The following CDH13 variants were observed in gnomAD, a reference collection of about 807,000 sequenced individuals.
CDH13 encodes the protein cadherin 13.
In CDH13, 24 loss-of-function variants were observed where a neutral mutation model predicts 63.8. That is an observed-to-expected ratio of 0.38 (90% CI 0.27 to 0.53). CDH13 has a LOEUF of 0.53. Among genes scored for constraint, CDH13 ranks in the 20% least tolerant of loss-of-function variants. CDH13 has a pLI of 0.85. For synonymous variants in CDH13, 503 were observed against 355.3 expected (o/e 1.42, Z -4.67); for missense variants, 1,049 against 903.1 (o/e 1.16, Z -2.07).
intron 11 of CDH13, among the ~76,000 whole-genome samples, chr16:83,764,521 C>T (rs181519099): frequency 6.6e-6 from 1 of 152,252 alleles, no homozygotes; most frequent in East Asian, 1.9e-4. Context: ...TTTAGCTGGT[C>T]CCCCACTGGA....
chr16:82,790,494 A>G (rs960931518), intron 1 of CDH13, among the ~76,000 whole-genome samples: 1 of 152,198 alleles, frequency 6.6e-6, no homozygotes, highest in Non-Finnish European at 1.5e-5. Flanking sequence ...ACATTTCTCA[A>G]TTTGGGCTTC....
At chr16:83,515,431 A>T (rs961594192) in intron 7 of CDH13, among the ~76,000 whole-genome samples, 1 of 152,230 alleles carries the variant, frequency 6.6e-6, no homozygotes, top group Non-Finnish European at 1.5e-5. Flanking sequence ...TTTTCATTTC[A>T]CATATCTGCA....
chr16:82,835,072 TG>T lies in CDH13; in HGVS notation c.46-23289del, dbSNP rs375196524. 4.1e-3 allele frequency among the ~76,000 whole-genome samples: 624 copies of T among 152,350 alleles called. 5 individuals are homozygous for T. The highest frequency in any genetic ancestry group is 0.014 in the African/African-American group (593 of 41,584). Reference sequence around the variant, plus strand: ...AAGAAACAGGTGACGTTAATTGTAGTGTGTTTTCTTTAACCCAATATATTCA... The same window carrying T: ...AAGAAACAGGTGACGTTAATTGTAGTTGTTTTCTTTAACCCAATATATTCA... On this transcript the variant is annotated intron_variant, in intron 1 of 13. Coordinates refer to ENST00000567109, the MANE Select transcript of CDH13 (RefSeq NM_001257.5).
chr16:83,132,662 T>G (rs139545533), intron 4 of CDH13, among the ~76,000 whole-genome samples: 16 of 152,154 alleles, frequency 1.1e-4, no homozygotes, highest in African/African-American at 3.9e-4. Context: ...GCCAGACTCA[T>G]CTGGATCCAT....
At chr16:82,780,349 T>C (rs1031478849) in intron 1 of CDH13, among the ~76,000 whole-genome samples, 1 of 152,130 alleles carries the variant, frequency 6.6e-6, no homozygotes, top group African/African-American at 2.4e-5. Flanking sequence ...TGCTCTCTGA[T>C]AAAAGGTGCG....
At chr16:83,354,824 A>G (rs1243756823) in intron 6 of CDH13, among the ~76,000 whole-genome samples, 1 of 152,230 alleles carries the variant, frequency 6.6e-6, no homozygotes, top group Non-Finnish European at 1.5e-5. Context: ...CCATGGGCCA[A>G]ATGTGTCTCT....
At chr16:83,409,951 G>C (rs541298378) in intron 6 of CDH13, among the ~76,000 whole-genome samples, 2 of 152,188 alleles carry the variant, frequency 1.3e-5, no homozygotes, top group African/African-American at 4.8e-5. Context: ...GTTTCCAGAA[G>C]ATATTTTAAA....
rs535253402 is a variant in CDH13, at chr16:83,253,408, A to G, written c.636+35911A>G. ...TGCCCAGGTTTCTTAGCGATCAGTC[A>G]TCTTGATCAAAGTAAGAAGCAGCCA... On this transcript the variant is annotated intron_variant, in intron 5 of 13. Coordinates refer to ENST00000567109, the MANE Select transcript of CDH13 (RefSeq NM_001257.5). Among the ~76,000 whole-genome samples the G allele has an allele frequency of 1.6e-3, 251 of 152,310 alleles. 2 individuals carry two copies. Among genetic ancestry groups the G allele is most frequent in the African/African-American group, 5.9e-3 (245 of 41,568 alleles).
chr16:83,290,145 G>A (rs1205471307), intron 5 of CDH13, among the ~76,000 whole-genome samples: 3 of 152,126 alleles, frequency 2.0e-5, no homozygotes, highest in Admixed American at 6.5e-5. Flanking sequence ...GTTGCATATC[G>A]TTTGTTCATT....
chr16:83,455,374 ATCACT>A (rs1430171374), intron 6 of CDH13, among the ~76,000 whole-genome samples: 1 of 152,156 alleles, frequency 6.6e-6, no homozygotes, highest in African/African-American at 2.4e-5. Context: ...GCCTGGTGTG[ATCACT>A]GGCCCACCTG....
intron 5 of CDH13, among the ~76,000 whole-genome samples, chr16:83,225,744 T>C (rs1384617154): frequency 1.3e-5 from 2 of 152,162 alleles, no homozygotes; most frequent in African/African-American, 4.8e-5. Flanking sequence ...TGTCTCAGAG[T>C]GTGACCAGGT....
At chr16:83,326,252 G>C (rs139123857) in intron 5 of CDH13, among the ~76,000 whole-genome samples, 7 of 152,138 alleles carry the variant, frequency 4.6e-5, no homozygotes, top group African/African-American at 1.4e-4. Context: ...GAAATTTCTT[G>C]GTAGCAATGC....
intron 1 of CDH13, among the ~76,000 whole-genome samples, chr16:82,630,122 T>G (rs535196229): frequency 6.6e-6 from 1 of 152,222 alleles, no homozygotes; most frequent in African/African-American, 2.4e-5. Flanking sequence ...AATCAGTGTC[T>G]TATAGTGCTC....
chr16:83,069,413 C>T (rs1414109508), intron 3 of CDH13, among the ~76,000 whole-genome samples: 1 of 152,138 alleles, frequency 6.6e-6, no homozygotes, highest in Non-Finnish European at 1.5e-5. Context: ...CCTATAGAAA[C>T]ACCTACTACG....
intron 1 of CDH13, among the ~76,000 whole-genome samples, chr16:82,789,014 C>G (rs7191661): frequency 1.4e-4 from 22 of 152,180 alleles, no homozygotes; most frequent in African/African-American, 5.1e-4. Context: ...TTGGACTCAC[C>G]TCTGGGTTGC....
chr16:83,340,324 G>GTA (rs1555532371), intron 5 of CDH13, among the ~76,000 whole-genome samples: 6 of 151,952 alleles, frequency 3.9e-5, no homozygotes, highest in Admixed American at 6.6e-5. Flanking sequence ...GTGTGTGTGT[G>GTA]TGTATGTGCG....
At chr16:83,106,335 C>T (rs1460233582) in intron 3 of CDH13, among the ~76,000 whole-genome samples, 2 of 152,038 alleles carry the variant, frequency 1.3e-5, no homozygotes, top group Admixed American at 1.3e-4. Flanking sequence ...GTCAGGAGTT[C>T]GAGACGAGCC....
intron 7 of CDH13, among the ~76,000 whole-genome samples, chr16:83,542,619 C>A (rs1278576222): frequency 6.6e-6 from 1 of 152,244 alleles, no homozygotes; most frequent in Non-Finnish European, 1.5e-5. Flanking sequence ...AAGCCATGCT[C>A]TGGCAGCTAG....
intron 2 of CDH13, among the ~76,000 whole-genome samples, chr16:82,972,447 C>A (rs1001289735): frequency 6.6e-6 from 1 of 152,182 alleles, no homozygotes; most frequent in East Asian, 1.9e-4. Flanking sequence ...CTCATCTCTT[C>A]TTTAGCCGAA....
Sources: gnomAD v4.1 joint callset for allele counts (sites outside exome capture counted in the v4.1 genomes callset) on GRCh38, gnomAD v4.1.1 for gene constraint, MANE v1.5 for transcripts, NCBI Gene and HGNC (gene_info 2026-07-23, HGNC 2026-07-21) for gene names.